The following SLC35F4 variants were observed in gnomAD, a reference collection of about 807,000 sequenced individuals.
SLC35F4 encodes chromosome 14 open reading frame 36.
Under a neutral mutation model 44.2 loss-of-function variants are expected in SLC35F4, and 24 were observed. The ratio of observed to expected loss-of-function variants is 0.54; its 90% CI spans 0.39 to 0.76. The LOEUF is 0.76. Among genes scored for constraint, SLC35F4 ranks in the 30% least tolerant of loss-of-function variants. The probability of loss-of-function intolerance (pLI) is 0.00; values close to 1 mark genes in which losing one functional copy is unlikely to be tolerated. For missense variants in SLC35F4, 562 were observed against 586.1 expected (o/e 0.96, Z 0.42); for synonymous variants, 238 against 223.6 (o/e 1.06, Z -0.57).
intron 1 of SLC35F4, among the ~76,000 whole-genome samples, chr14:57,637,165 T>C (rs951556333): frequency 6.6e-6 from 1 of 152,150 alleles, no homozygotes; most frequent in African/African-American, 2.4e-5. Flanking sequence ...AGTGGCCAAG[T>C]GACTTTCTTG....
intron 1 of SLC35F4, among the ~76,000 whole-genome samples, chr14:57,933,754 C>T (rs1462066405): frequency 6.6e-6 from 1 of 152,100 alleles, no homozygotes; most frequent in Non-Finnish European, 1.5e-5. Flanking sequence ...GGATTTGAGG[C>T]ATAAATAATC....
intron 1 of SLC35F4, among the ~76,000 whole-genome samples, chr14:57,610,375 A>G (rs958586402): frequency 2.0e-5 from 3 of 152,156 alleles, no homozygotes; most frequent in African/African-American, 7.2e-5. Flanking sequence ...TAGGGCAACC[A>G]CTTCTTGGGA....
At chr14:57,570,344 G>T (rs975852314) in intron 5 of SLC35F4, among the ~76,000 whole-genome samples, 1 of 152,064 alleles carries the variant, frequency 6.6e-6, no homozygotes. Flanking sequence ...TTAAAGCATG[G>T]GATTTGTTTT....
chr14:57,801,280 G>C (rs1159202991), intron 1 of SLC35F4, among the ~76,000 whole-genome samples: 1 of 152,152 alleles, frequency 6.6e-6, no homozygotes, highest in African/African-American at 2.4e-5. Context: ...CTTCATAAGT[G>C]AAGGAGAAAT....
upstream of SLC35F4, among the ~76,000 whole-genome samples, chr14:57,982,525 A>G (rs1881411173): frequency 6.6e-6 from 1 of 151,930 alleles, no homozygotes; most frequent in East Asian, 1.9e-4. Flanking sequence ...ACGAGAGCCA[A>G]GAGGGGGAAT....
Position 57,949,066 on chromosome 14 carries a change from A to ATCCATTGT in SLC35F4, n.282+32839_282+32846dup, listed in dbSNP as rs1890087394. Among the ~76,000 whole-genome samples the ATCCATTGT allele has an allele frequency of 2.6e-5, 4 of 152,180 alleles. No individual in the cohort carries two copies. In the South Asian group the frequency reaches 8.3e-4, roughly 32 times the overall value. On this transcript the variant is annotated intron_variant and non_coding_transcript_variant, in intron 1 of 1. Transcript: ENST00000556568. ...CCATTTTTTCCAGGGTATAGTTTATATCCATTGTTTCTTTGTTGACTTTCT... is the reference window on the plus strand; with the variant it reads ...CCATTTTTTCCAGGGTATAGTTTATATCCATTGTTCCATTGTTTCTTTGTTGACTTTCT...
chr14:57,935,045 C>T (rs1472046729), intron 1 of SLC35F4, among the ~76,000 whole-genome samples: 1 of 152,158 alleles, frequency 6.6e-6, no homozygotes, highest in Non-Finnish European at 1.5e-5. Flanking sequence ...AAGGGTGCAT[C>T]TGAAAGAGAG....
chr14:57,773,996 G>GT (rs1289283233), intron 1 of SLC35F4, among the ~76,000 whole-genome samples: 1 of 152,152 alleles, frequency 6.6e-6, no homozygotes, highest in African/African-American at 2.4e-5. Context: ...AATAAGACCA[G>GT]TATACCTTGA....
chr14:57,847,012 T>C (rs533518327), intron 1 of SLC35F4, among the ~76,000 whole-genome samples: 1 of 152,364 alleles, frequency 6.6e-6, no homozygotes, highest in Non-Finnish European at 1.5e-5. Context: ...ATGACAAATA[T>C]AGAAATTGAG....
intron 1 of SLC35F4, among the ~76,000 whole-genome samples, chr14:57,959,164 G>A (rs1025630939): frequency 6.6e-6 from 1 of 152,166 alleles, no homozygotes; most frequent in Non-Finnish European, 1.5e-5. Context: ...TTCATATTTT[G>A]TATGGTATAT....
intron 1 of SLC35F4, among the ~76,000 whole-genome samples, chr14:57,790,471 C>T (rs748842467): frequency 1.3e-5 from 2 of 151,978 alleles, no homozygotes; most frequent in Admixed American, 6.6e-5. Context: ...AACCACTGCT[C>T]AAGAAAATAA....
intron 1 of SLC35F4, among the ~76,000 whole-genome samples, chr14:57,690,997 G>T (rs1337268578): frequency 6.6e-6 from 1 of 152,110 alleles, no homozygotes; most frequent in African/African-American, 2.4e-5. Context: ...CCCAACCCTG[G>T]GTACCATGGT....
intron 1 of SLC35F4, among the ~76,000 whole-genome samples, chr14:57,880,037 GAAGGAAGGA>G (rs1566919957): frequency 4.9e-4 from 1 of 2,038 alleles, no homozygotes; most frequent in Admixed American, 0.011. Context: ...AAGGAGGGAG[GAAGGAAGGA>G]AGGAAGGAAG....
At chr14:57,964,593 C>A (rs898705995) in intron 1 of SLC35F4, among the ~76,000 whole-genome samples, 1 of 152,044 alleles carries the variant, frequency 6.6e-6, no homozygotes, top group Non-Finnish European at 1.5e-5. Context: ...CTCCATCTGA[C>A]CTCACCATTC....
intron 1 of SLC35F4, among the ~76,000 whole-genome samples, chr14:57,979,267 G>T (rs969736156): frequency 2.6e-5 from 4 of 152,192 alleles, no homozygotes; most frequent in Non-Finnish European, 4.4e-5. Flanking sequence ...TAAACCTGAA[G>T]TTTGCAGATA....
chr14:57,953,556 T>C (rs142193575), intron 1 of SLC35F4, among the ~76,000 whole-genome samples: 1 of 152,272 alleles, frequency 6.6e-6, no homozygotes, highest in East Asian at 1.9e-4. Flanking sequence ...AAGACACACA[T>C]GGGCTCAAAA....
intron 1 of SLC35F4, among the ~76,000 whole-genome samples, chr14:57,636,673 T>A (rs984348369): frequency 2.0e-5 from 3 of 152,100 alleles, no homozygotes; most frequent in Admixed American, 2.0e-4. Flanking sequence ...ATAAGTTAGA[T>A]GACGATTTCT....
chr14:57,842,728 A>T lies in SLC35F4; in HGVS notation c.103+22995T>A, dbSNP rs377050331. Among the ~76,000 whole-genome samples the T allele has an allele frequency of 5.5e-4, 83 of 152,178 alleles. 1 individual carries two copies. In the South Asian group the frequency reaches 0.017, roughly 31 times the overall value. The stretch of plus-strand genomic sequence containing the variant: ...CTTTGGACTTCCCTACACCCTGCTC[A>T]CCTGTGATGGTTAATATTGAGTGTC... On this transcript the variant is annotated intron_variant, in intron 1 of 7. Coordinates refer to ENST00000556826, the MANE Select transcript of SLC35F4 (RefSeq NM_001306087.2).
At chr14:57,769,549 T>C (rs960397369) in intron 1 of SLC35F4, among the ~76,000 whole-genome samples, 1 of 152,214 alleles carries the variant, frequency 6.6e-6, no homozygotes, top group African/African-American at 2.4e-5. Flanking sequence ...ATTTAATGAA[T>C]GGAAACCTGC....
Sources: allele counts gnomAD v4.1 joint callset (sites outside exome capture counted in the v4.1 genomes callset), GRCh38; gene constraint gnomAD v4.1.1; transcripts MANE v1.5; gene names NCBI Gene and HGNC (gene_info 2026-07-23, HGNC 2026-07-21).